The following UBE2D2 variants were observed in gnomAD, a reference collection of about 807,000 sequenced individuals.
The protein encoded by UBE2D2 is ubiquitin-conjugating enzyme E2 D2.
In UBE2D2, 2 loss-of-function variants were observed where a neutral mutation model predicts 24.2. The ratio of observed to expected loss-of-function variants is 0.08; its 90% CI spans 0.03 to 0.26. The LOEUF (loss-of-function observed/expected upper bound fraction) is 0.26, where lower values mean the gene tolerates loss of function less well. UBE2D2 is among the 10% of genes least tolerant of loss of function. The pLI, the probability that UBE2D2 is intolerant of heterozygous loss-of-function variation, is 1.00. For missense variants in UBE2D2, 44 were observed against 177.6 expected (o/e 0.25, Z 4.28); for synonymous variants, 58 against 56.5 (o/e 1.03, Z -0.12).
Position 139,561,775 on chromosome 5 carries a change from G to A in UBE2D2, c.-17G>A. The stretch of plus-strand genomic sequence containing the variant: ...CCCCGTCCCCGCCCCGGGGGCCGCC[G>A]CCACCCGCCTCCCACCATGGCTCTG... On this transcript the variant is annotated 5_prime_UTR_variant, in exon 1 of 7. Transcript: ENST00000398733. 8.9e-7 allele frequency: 1 copy of A among 1,128,620 alleles called. No homozygotes were observed. Among genetic ancestry groups the A allele is most frequent in the Non-Finnish European group, 1.2e-6 (1 of 857,594 alleles). 69.9% of individuals were successfully genotyped at this position (1,128,620 alleles called of 1,614,324 possible).
At chr5:139,541,078 GT>G (rs1752754894) in intron 1 of UBE2D2, among the ~76,000 whole-genome samples, 1 of 151,152 alleles carries the variant, frequency 6.6e-6, no homozygotes, top group Admixed American at 6.6e-5. Context: ...CGGGTGGATT[GT>G]TTGAGGTCAT....
intron 1 of UBE2D2, among the ~76,000 whole-genome samples, chr5:139,554,156 C>T (rs1235330026): frequency 6.6e-6 from 1 of 152,142 alleles, no homozygotes; most frequent in African/African-American, 2.4e-5. Flanking sequence ...ATTTCCATTA[C>T]CCTAAAGAAT....
chr5:139,540,909 G>T (rs1467974755), intron 1 of UBE2D2, among the ~76,000 whole-genome samples: 4 of 150,676 alleles, frequency 2.7e-5, no homozygotes, highest in Non-Finnish European at 4.4e-5. Flanking sequence ...CAGGAGAATT[G>T]CTTGAACCTG....
At chr5:139,552,687 T>G in intron 1 of UBE2D2, among the ~76,000 whole-genome samples, 1 of 141,588 alleles carries the variant, frequency 7.1e-6, no homozygotes, top group African/African-American at 2.6e-5. Flanking sequence ...TTTTTTTTTT[T>G]TTTTTTTTTT....
chr5:139,597,898 C>T (rs1306357818), intron 1 of UBE2D2, among the ~76,000 whole-genome samples: 3 of 152,056 alleles, frequency 2.0e-5, no homozygotes, highest in Admixed American at 6.6e-5. Context: ...TCTTTTTATT[C>T]AAACTTTATT....
Position 139,533,330 on chromosome 5 carries a change from A to G in UBE2D2, c.-64+6718A>G, listed in dbSNP as rs1287895851. ...AATGAATGAAATTGATGGCATGTAA[A>G]TTATACCTCAAAAAAGAGGTTGAAA... is the stretch of plus-strand genomic sequence containing the variant. On this transcript the variant is annotated intron_variant, in intron 1 of 6. Transcript: ENST00000511725. Among the ~76,000 whole-genome samples, 4 of 151,718 alleles carry G rather than the reference A, an allele frequency of 2.6e-5. No individual in the cohort carries two copies. The East Asian group carries it at 5.9e-4, about 22-fold the overall frequency.
At chr5:139,607,351 T>C (rs1031951712) in intron 2 of UBE2D2, among the ~76,000 whole-genome samples, 1 of 152,230 alleles carries the variant, frequency 6.6e-6, no homozygotes, top group African/African-American at 2.4e-5. Flanking sequence ...TAGTTTCTCT[T>C]TCTCTGCCTT....
At chr5:139,552,675 ATT>A (rs35039276) in intron 1 of UBE2D2, among the ~76,000 whole-genome samples, 1,051 of 59,308 alleles carry the variant, frequency 0.018, 17 homozygotes, top group African/African-American at 0.054. Flanking sequence ...CGCTTGGCTA[ATT>A]TTTTTTTTTT....
At chr5:139,593,329 A>G (rs1000048009) in intron 1 of UBE2D2, among the ~76,000 whole-genome samples, 1 of 152,106 alleles carries the variant, frequency 6.6e-6, no homozygotes, top group Admixed American at 6.6e-5. Context: ...CATTTCTAAT[A>G]TTTTAGATCC....
At chr5:139,534,086 A>C (rs1752632600) in intron 1 of UBE2D2, among the ~76,000 whole-genome samples, 1 of 151,322 alleles carries the variant, frequency 6.6e-6, no homozygotes. Context: ...TGGCAAAAAA[A>C]ACATTTTTTT....
At chr5:139,608,555 G>A (rs557127759) in intron 2 of UBE2D2, among the ~76,000 whole-genome samples, 38 of 152,150 alleles carry the variant, frequency 2.5e-4, no homozygotes, top group African/African-American at 8.7e-4. Flanking sequence ...AGGAGTTTGA[G>A]ACCAGCCTGG....
upstream of UBE2D2, among the ~76,000 whole-genome samples, chr5:139,559,435 A>G (rs1228876755): frequency 6.6e-6 from 1 of 152,108 alleles, no homozygotes; most frequent in Non-Finnish European, 1.5e-5. Context: ...CAAAAAAAAA[A>G]AAAAAGAAAT....
chr5:139,578,830 T>C (rs1753537030), intron 1 of UBE2D2, among the ~76,000 whole-genome samples: 1 of 152,212 alleles, frequency 6.6e-6, no homozygotes, highest in African/African-American at 2.4e-5. Context: ...GTACCTTATT[T>C]CGTTGACTCT....
chr5:139,545,282 G>A (rs1017739964), intron 1 of UBE2D2, among the ~76,000 whole-genome samples: 11 of 151,718 alleles, frequency 7.3e-5, no homozygotes, highest in Admixed American at 2.0e-4. Flanking sequence ...TGCACAGGCC[G>A]GACTTGAATT....
intron 1 of UBE2D2, among the ~76,000 whole-genome samples, chr5:139,538,375 C>G (rs561319014): frequency 1.3e-5 from 2 of 152,200 alleles, no homozygotes; most frequent in African/African-American, 4.8e-5. Flanking sequence ...GTAGAAGTAA[C>G]CCAAGTGTCC....
chr5:139,600,223 C>T (rs1462501389), intron 1 of UBE2D2, 149 bp from the exon 2 acceptor site: 2 of 860,678 alleles, frequency 2.3e-6, no homozygotes, highest in Non-Finnish European at 3.8e-6. Context: ...CTTAAAGATT[C>T]ACCAATCTAC....
At chr5:139,541,491 TCAGGAGGCTGAGG>T (rs1752761131) in intron 1 of UBE2D2, among the ~76,000 whole-genome samples, 1 of 147,096 alleles carries the variant, frequency 6.8e-6, no homozygotes, top group South Asian at 2.1e-4. Flanking sequence ...TCCCAGCTAC[TCAGGAGGCTGAGG>T]CAGGAGAATT....
chr5:139,528,819 T>C (rs998712416), intron 1 of UBE2D2, among the ~76,000 whole-genome samples: 2 of 152,160 alleles, frequency 1.3e-5, no homozygotes, highest in African/African-American at 2.4e-5. Context: ...CAGTTTATTC[T>C]AGTAGGCCCA....
At position 139,605,801 on chromosome 5, in the gene UBE2D2, C is replaced by T. The variant is rs1458981507; in HGVS notation, c.88+5366C>T. On this transcript the variant is annotated intron_variant, in intron 2 of 6. Coordinates refer to ENST00000398733, the MANE Select transcript of UBE2D2 (RefSeq NM_003339.3). ...TTGCCCAGGCTAGAGTGCAGTGGCG[C>T]GATTGCAGCTCACTGAAGCCTCAAA... Among the ~76,000 whole-genome samples the T allele has an allele frequency of 6.6e-5, 10 of 151,080 alleles. 1 individual carries two copies. The South Asian group carries it at 1.9e-3, about 28-fold the overall frequency.
Sources: gnomAD v4.1 joint callset for allele counts (sites outside exome capture counted in the v4.1 genomes callset) on GRCh38, gnomAD v4.1.1 for gene constraint, MANE v1.5 for transcripts, NCBI Gene and HGNC (gene_info 2026-07-23, HGNC 2026-07-21) for gene names.